CPM: variants seen among roughly 807,000 people sequenced by gnomAD.
CPM encodes renal carboxypeptidase.
Under a neutral mutation model 46.4 loss-of-function variants are expected in CPM, and 35 were observed. The observed-to-expected ratio is 0.75, with a 90% CI of 0.58 to 1.00. The LOEUF is 1.00. Among genes scored for constraint, CPM ranks in the 50% least tolerant of loss-of-function variants. CPM has a pLI of 0.00. For synonymous variants in CPM, 195 were observed against 195.3 expected, an observed-to-expected ratio of 1.00 and a Z score of 0.01; for missense variants, 422 against 530.4, an observed-to-expected ratio of 0.80 and a Z score of 2.01.
chr12:68,864,300 G>T (rs558945412), intron 7 of CPM, among the ~76,000 whole-genome samples: 1 of 152,104 alleles, frequency 6.6e-6, no homozygotes, highest in East Asian at 1.9e-4. Context: ...AAAATTAGCC[G>T]GGCATGATGG....
intron 2 of CPM, among the ~76,000 whole-genome samples, chr12:68,918,357 T>A (rs1887896767): frequency 6.6e-6 from 1 of 152,170 alleles, no homozygotes; most frequent in Non-Finnish European, 1.5e-5. Context: ...CCAACTTTCT[T>A]TCTGCAGCCA....
chr12:68,919,338 T>C (rs956688643), intron 2 of CPM, among the ~76,000 whole-genome samples: 5 of 152,248 alleles, frequency 3.3e-5, no homozygotes, highest in African/African-American at 4.8e-5. Context: ...ATTTGCTTCA[T>C]AGCAATGATC....
chr12:68,857,419 C>A (rs1282549805), intron 8 of CPM, among the ~76,000 whole-genome samples: 1 of 152,144 alleles, frequency 6.6e-6, no homozygotes, highest in Non-Finnish European at 1.5e-5. Context: ...GCCTCTCAGC[C>A]TCCCAAAGTG....
rs1188879414 is a variant in CPM at position 68,851,999 on chromosome 12, T to C, written c.*4438A>G. The C allele has an allele frequency of 6.6e-6, 1 of 152,244 alleles. No homozygotes were observed. The highest frequency in any genetic ancestry group is 1.5e-5 in the Non-Finnish European group (1 of 68,050). The allele number at this position is 152,244 out of a possible 1,614,324, so 9.4% of individuals were successfully genotyped here. A position where few individuals can be genotyped will look rare whatever the true frequency, so the allele number is the denominator to read the frequency against. ...GCAGTAAGACAATATGCTATGCTTA[T>C]CTTTCTGGATTCCCCAGGAAGAGAT... On this transcript the variant is annotated 3_prime_UTR_variant, in exon 9 of 9. Transcript: ENST00000551568.
chr12:68,859,039 T>A lies in CPM; in HGVS notation c.973A>T (p.Asn325Tyr), dbSNP rs371003310. 1.6e-5 allele frequency: 24 copies of A among 1,543,550 alleles called. No individual in the cohort carries two copies. The highest frequency in any genetic ancestry group is 1.9e-4 in the Middle Eastern group (1 of 5,282). Reference protein sequence around the residue: ...VKGQVFDQNGNPLPNVIVEVQ... With the variant: ...VKGQVFDQNGYPLPNVIVEVQ... Reference sequence around the variant, plus strand: ...TCCACAATTACATTGGGTAATGGATTTCCATTCTGATCAAAAACTTGACCC... The same window carrying A: ...TCCACAATTACATTGGGTAATGGATATCCATTCTGATCAAAAACTTGACCC... Residue 325 changes from asparagine to tyrosine, a missense_variant, in exon 8 of 9, where the codon AAT becomes TAT. Physicochemically the swap from Asn to Tyr is moderately radical, Grantham distance 143. Transcript: ENST00000551568.
In CPM at chr12:68,923,158, A is replaced by AGTGTGT. The variant is rs1491362513; in HGVS notation, c.160+9519_160+9520insACACAC. On this transcript the variant is annotated intron_variant, in intron 2 of 8. Transcript: ENST00000551568. ...CCAAATGCATGTTGGTATTTGATATAGAGTGTGTGTGTGTGTGTGTGTGTG... is the reference window on the plus strand; with the variant it reads ...CCAAATGCATGTTGGTATTTGATATAGTGTGTGAGTGTGTGTGTGTGTGTGTGTGTG... 1.2e-3 allele frequency among the ~76,000 whole-genome samples: 157 copies of AGTGTGT among 131,886 alleles called. 1 individual carries two copies. Among genetic ancestry groups the AGTGTGT allele is most frequent in the African/African-American group, 3.4e-3 (117 of 34,034 alleles). The allele number at this position is 131,886 out of a possible 152,430, so 86.5% of individuals were successfully genotyped here.
intron 2 of CPM, among the ~76,000 whole-genome samples, chr12:68,930,421 G>A (rs1159589357): frequency 6.6e-6 from 1 of 152,160 alleles, no homozygotes; most frequent in Non-Finnish European, 1.5e-5. Context: ...TTACATCAGA[G>A]GGCAGAATGG....
intron 7 of CPM, among the ~76,000 whole-genome samples, chr12:68,859,559 C>T (rs565831356): frequency 7.1e-4 from 108 of 152,322 alleles, no homozygotes; most frequent in Admixed American, 8.5e-4. Context: ...AGCATGGAAT[C>T]GATTGGCCAG....
intron 2 of CPM, among the ~76,000 whole-genome samples, chr12:68,900,180 G>A (rs982166500): frequency 6.6e-6 from 1 of 151,952 alleles, no homozygotes; most frequent in Non-Finnish European, 1.5e-5. Flanking sequence ...CCAACAATAA[G>A]AAAATAAACA....
chr12:68,918,170 C>T (rs1258488906), intron 2 of CPM, among the ~76,000 whole-genome samples: 2 of 152,118 alleles, frequency 1.3e-5, no homozygotes, highest in Non-Finnish European at 2.9e-5. Flanking sequence ...TCTTAATTTT[C>T]CTTCTACCTC....
chr12:68,930,814 T>C (rs1326542849), intron 2 of CPM, among the ~76,000 whole-genome samples: 1 of 152,238 alleles, frequency 6.6e-6, no homozygotes, highest in Non-Finnish European at 1.5e-5. Flanking sequence ...AGCCCCCAAC[T>C]GTCACAAGCA....
At chr12:68,876,917 TGTGA>T (rs1277216558) in intron 3 of CPM, among the ~76,000 whole-genome samples, 270 of 50,528 alleles carry the variant, frequency 5.3e-3, no homozygotes, top group Admixed American at 0.012. Flanking sequence ...TGTGTGTGTG[TGTGA>T]GAGAGAGAGA....
chr12:68,955,001 G>A (rs1261531664), intron 1 of CPM, among the ~76,000 whole-genome samples: 1 of 152,150 alleles, frequency 6.6e-6, no homozygotes, highest in East Asian at 1.9e-4. Context: ...GTAGCAGCCT[G>A]CATGCCTGGC....
At chr12:68,890,508 T>C (rs1408578046) in intron 2 of CPM, among the ~76,000 whole-genome samples, 1 of 152,230 alleles carries the variant, frequency 6.6e-6, no homozygotes, top group Non-Finnish European at 1.5e-5. Context: ...GAAACTTAAG[T>C]GGCAGAAACA....
At chr12:68,954,008 C>CG (rs1555202799) in intron 1 of CPM, among the ~76,000 whole-genome samples, 1 of 152,086 alleles carries the variant, frequency 6.6e-6, no homozygotes, top group African/African-American at 2.4e-5. Context: ...TTTTGTTAGG[C>CG]TTTTTTTACA....
downstream of CPM, chr12:68,849,892 T>C (rs1884584041): frequency 6.6e-6 from 1 of 152,282 alleles, no homozygotes; most frequent in Admixed American, 6.5e-5. Flanking sequence ...GGATTACAGA[T>C]GTGAGTCACT....
chr12:68,842,976 T>A (rs1230086832), intron 5 of CPM: 3 of 211,310 alleles, frequency 1.4e-5, no homozygotes, highest in African/African-American at 6.8e-5. Context: ...TAATTTCTGC[T>A]TTGGCAAATA....
At chr12:68,887,576 T>A (rs1886485280) in intron 2 of CPM, among the ~76,000 whole-genome samples, 1 of 152,266 alleles carries the variant, frequency 6.6e-6, no homozygotes, top group African/African-American at 2.4e-5. Flanking sequence ...ATGATTTATG[T>A]ACCCTGTTCA....
chr12:68,932,871 A>G, intron 1 of CPM, 31 bp from the exon 2 acceptor site: 1 of 1,606,924 alleles, frequency 6.2e-7, no homozygotes, highest in Non-Finnish European at 8.5e-7. Flanking sequence ...GAAGAACCTG[A>G]GAACACATGA....
Sources: allele counts gnomAD v4.1 joint callset (sites outside exome capture counted in the v4.1 genomes callset), GRCh38; gene constraint gnomAD v4.1.1; transcripts MANE v1.5; gene names NCBI Gene and HGNC (gene_info 2026-07-23, HGNC 2026-07-21).